Variants in CORO1C observed in about 807,000 individuals in gnomAD.
CORO1C encodes coronin-1C.
CORO1C carries 14 observed loss-of-function variants against 51.2 expected under a neutral mutation model. The observed-to-expected ratio is 0.27, with a 90% confidence interval of 0.18 to 0.43. CORO1C has a LOEUF of 0.43. CORO1C is among the 20% of genes least tolerant of loss of function. CORO1C has a pLI of 1.00. For synonymous variants in CORO1C, 181 were observed against 210.5 expected, an observed-to-expected ratio of 0.86 and a Z score of 1.21; for missense variants, 417 against 607.8, an observed-to-expected ratio of 0.69 and a Z score of 3.30.
At chr12:108,681,308 A>C (rs1220531143) in intron 2 of CORO1C, among the ~76,000 whole-genome samples, 3 of 152,270 alleles carry the variant, frequency 2.0e-5, no homozygotes, top group Non-Finnish European at 4.4e-5. Context: ...AATGTCTGAG[A>C]ATTTTTCAGG....
intron 2 of CORO1C, among the ~76,000 whole-genome samples, chr12:108,684,057 A>C (rs1325998941): frequency 6.6e-6 from 1 of 152,214 alleles, no homozygotes; most frequent in Non-Finnish European, 1.5e-5. Flanking sequence ...ATGAACAGAC[A>C]AGTTACAAAG....
At chr12:108,666,393 G>C (rs1316190255) in intron 3 of CORO1C, among the ~76,000 whole-genome samples, 1 of 152,202 alleles carries the variant, frequency 6.6e-6, no homozygotes, top group Non-Finnish European at 1.5e-5. Flanking sequence ...GTAAAGAGGG[G>C]GTGGTGTTCT....
intron 3 of CORO1C, chr12:108,668,617 G>A (rs1034889689): frequency 6.6e-6 from 1 of 152,162 alleles, no homozygotes; most frequent in African/African-American, 2.4e-5. Flanking sequence ...TTTGAGAGAA[G>A]GGAGAAGCGT....
chr12:108,694,422 A>T (rs1347381653), intron 2 of CORO1C, among the ~76,000 whole-genome samples: 1 of 152,198 alleles, frequency 6.6e-6, no homozygotes, highest in Non-Finnish European at 1.5e-5. Context: ...AGCAATAGTT[A>T]GCTCTTTATA....
At chr12:108,685,608 G>A (rs560012951) in intron 2 of CORO1C, among the ~76,000 whole-genome samples, 5 of 151,152 alleles carry the variant, frequency 3.3e-5, no homozygotes, top group Admixed American at 6.6e-5. Flanking sequence ...ACTATGCCAT[G>A]GGTTGTAAAA....
chr12:108,719,332 C>T (rs887962812), intron 1 of CORO1C, among the ~76,000 whole-genome samples: 7 of 152,200 alleles, frequency 4.6e-5, no homozygotes, highest in African/African-American at 1.7e-4. Flanking sequence ...AGAAATAACA[C>T]ACACACGTAT....
chr12:108,667,887 A>C (rs1267247833), intron 3 of CORO1C, among the ~76,000 whole-genome samples: 2 of 152,218 alleles, frequency 1.3e-5, no homozygotes, highest in Admixed American at 1.3e-4. Context: ...AACAATCCCA[A>C]CAAGAAAAAA....
At chr12:108,692,682 G>A (rs1452238243) in intron 2 of CORO1C, among the ~76,000 whole-genome samples, 1 of 151,802 alleles carries the variant, frequency 6.6e-6, no homozygotes, top group African/African-American at 2.4e-5. Flanking sequence ...CCAAACCTAA[G>A]ACAATTCTCT....
At chr12:108,675,790 A>G (rs2033885728) in intron 3 of CORO1C, among the ~76,000 whole-genome samples, 1 of 152,230 alleles carries the variant, frequency 6.6e-6, no homozygotes, top group Non-Finnish European at 1.5e-5. Flanking sequence ...ACACTGTGAC[A>G]TCATGTGCTT....
At position 108,648,788 on chromosome 12, in the gene CORO1C, T is replaced by C. The variant is rs769770720; in HGVS notation, c.1122A>G (p.Ala374=). 15 of 1,614,138 alleles carry C rather than the reference T, an allele frequency of 9.3e-6. No homozygotes were observed. Among genetic ancestry groups the C allele is most frequent in the Non-Finnish European group, 1.3e-5 (15 of 1,180,054 alleles). The change falls in exon 10 of 11, where the codon GCA becomes GCG. Residue 374 remains alanine, a synonymous_variant. Transcript: ENST00000261401. ...DTAGPEAALE[A]EEWFEGKNAD... ...CATTCTTGCCTTCGAACCACTCTTC[T>C]GCCTCCAGCGCGGCCTCTGGCCCCG...
At chr12:108,720,058 T>C (rs1445788611) in intron 1 of CORO1C, among the ~76,000 whole-genome samples, 1 of 152,100 alleles carries the variant, frequency 6.6e-6, no homozygotes, top group African/African-American at 2.4e-5. Flanking sequence ...TAGTGGCGTA[T>C]GCCTGTAATC....
At chr12:108,713,414 A>G (rs1271206326) in intron 1 of CORO1C, among the ~76,000 whole-genome samples, 1 of 152,256 alleles carries the variant, frequency 6.6e-6, no homozygotes, top group African/African-American at 2.4e-5. Context: ...TAGCCTTCCA[A>G]ATAGTTTCAT....
intron 2 of CORO1C, among the ~76,000 whole-genome samples, chr12:108,684,925 T>G (rs1229715428): frequency 6.6e-6 from 1 of 152,200 alleles, no homozygotes; most frequent in Non-Finnish European, 1.5e-5. Context: ...TTGTTTTGTT[T>G]TACATCAGGG....
rs895252574 is a variant in CORO1C, at chr12:108,645,929, G to A, written c.*1474C>T. ...AAACTGGAAACGGGGCAAAGTTCCA[G>A]CTAACCGAGGAATGAACAGGTGACC... is the stretch of plus-strand genomic sequence containing the variant. On this transcript the variant is annotated 3_prime_UTR_variant, in exon 11 of 11. Transcript: ENST00000261401. 6.6e-6 allele frequency: 1 copy of A among 152,224 alleles called. No individual in the cohort carries two copies. Among genetic ancestry groups the A allele is most frequent in the Non-Finnish European group, 1.5e-5 (1 of 68,050 alleles). 9.4% of individuals were successfully genotyped at this position (152,224 alleles called of 1,614,324 possible). A position where few individuals can be genotyped will look rare whatever the true frequency, so the allele number is the denominator to read the frequency against.
rs749438076 is a variant in CORO1C at position 108,701,260 on chromosome 12, T to C, written c.59A>G (p.Asn20Ser). 13 of 1,614,076 alleles carry C rather than the reference T, an allele frequency of 8.1e-6. No homozygotes were observed. In the East Asian group the frequency reaches 2.9e-4, roughly 36 times the overall value. Residue 20 changes from asparagine (N) to serine (S), a missense_variant, in exon 2 of 11, where the codon AAT becomes AGT. By Grantham distance (46) the Asn-to-Ser change is conservative (BLOSUM62 1). Coordinates refer to ENST00000261401, the MANE Select transcript of CORO1C (RefSeq NM_014325.4). ...CCGGATGTCATCATAGCACTGGTCA[T>C]TTTTCACCGCTTGCCCAAATACATG... Reference protein sequence around the residue: ...FRHVFGQAVKNDQCYDDIRVS... With the variant: ...FRHVFGQAVKSDQCYDDIRVS...
At chr12:108,710,211 T>A (rs933282466) in intron 1 of CORO1C, among the ~76,000 whole-genome samples, 3 of 152,230 alleles carry the variant, frequency 2.0e-5, no homozygotes, top group Non-Finnish European at 4.4e-5. Flanking sequence ...GGCTCAACTA[T>A]GAGATGCTCT....
At chr12:108,699,020 C>T (rs55756843) in intron 2 of CORO1C, among the ~76,000 whole-genome samples, 8,665 of 152,268 alleles carry the variant, frequency 0.057, 507 homozygotes, top group East Asian at 0.32. Context: ...TCCTCTAAAA[C>T]AAACTCATAT....
intron 6 of CORO1C, among the ~76,000 whole-genome samples, chr12:108,656,108 C>T (rs558338256): frequency 3.4e-4 from 51 of 149,652 alleles, no homozygotes; most frequent in Admixed American, 2.1e-3. Flanking sequence ...GCCCGGCAGC[C>T]GCCCCGTCTG....
At chr12:108,703,845 C>T (rs1447014442) in intron 1 of CORO1C, among the ~76,000 whole-genome samples, 1 of 152,162 alleles carries the variant, frequency 6.6e-6, no homozygotes, top group Non-Finnish European at 1.5e-5. Flanking sequence ...ACAGTGGGGC[C>T]TCCAGCCCCT....
Sources: allele counts gnomAD v4.1 joint callset (sites outside exome capture counted in the v4.1 genomes callset), GRCh38; gene constraint gnomAD v4.1.1; transcripts MANE v1.5; gene names NCBI Gene and HGNC (gene_info 2026-07-23, HGNC 2026-07-21).